CORO1C: variants seen among roughly 807,000 people sequenced by gnomAD.
CORO1C encodes coronin-1C.
Under a neutral mutation model 51.2 loss-of-function variants are expected in CORO1C, and 14 were observed. The observed-to-expected ratio is 0.27, with a 90% CI of 0.18 to 0.43. CORO1C has a LOEUF of 0.43. Among genes scored for constraint, CORO1C ranks in the 20% least tolerant of loss-of-function variants. The pLI, the probability that CORO1C is intolerant of heterozygous loss-of-function variation, is 1.00. For missense variants in CORO1C, 417 were observed against 607.8 expected, an observed-to-expected ratio of 0.69 and a Z score of 3.30; for synonymous variants, 181 against 210.5, an observed-to-expected ratio of 0.86 and a Z score of 1.21.
intron 7 of CORO1C, among the ~76,000 whole-genome samples, chr12:108,652,645 CCTCCTGG>C: frequency 6.6e-6 from 1 of 152,340 alleles, no homozygotes; most frequent in South Asian, 2.1e-4. Context: ...GTCTCCTCAG[CCTCCTGG>C]CTCCTGGCTC....
intron 2 of CORO1C, among the ~76,000 whole-genome samples, chr12:108,687,357 C>T (rs1036754734): frequency 2.0e-5 from 3 of 152,076 alleles, no homozygotes; most frequent in Admixed American, 6.6e-5. Flanking sequence ...TGTAGTGGTG[C>T]GCACCTGTAG....
intron 3 of CORO1C, among the ~76,000 whole-genome samples, chr12:108,675,883 A>C (rs2033889626): frequency 1.3e-5 from 2 of 152,238 alleles, no homozygotes; most frequent in African/African-American, 4.8e-5. Context: ...TTCAGGTTCC[A>C]GCTGCCAATT....
intron 2 of CORO1C, among the ~76,000 whole-genome samples, chr12:108,689,067 T>C (rs2034407032): frequency 6.9e-6 from 1 of 144,464 alleles, no homozygotes; most frequent in South Asian, 2.2e-4. Flanking sequence ...GGGCATGGTG[T>C]TGGGCACCTG....
chr12:108,730,995 GC>G, intron 1 of CORO1C: 1 of 152,682 alleles, frequency 6.5e-6, no homozygotes, highest in Non-Finnish European at 1.5e-5. Flanking sequence ...CAGGCCTGGA[GC>G]CCCCGGGCTC....
At chr12:108,648,037 G>A (rs1169860862) in intron 10 of CORO1C, among the ~76,000 whole-genome samples, 1 of 152,160 alleles carries the variant, frequency 6.6e-6, no homozygotes, top group Non-Finnish European at 1.5e-5. Context: ...GGCAACAGCA[G>A]CACTCTCCAG....
At chr12:108,685,500 C>A (rs894337815) in intron 2 of CORO1C, among the ~76,000 whole-genome samples, 1 of 151,780 alleles carries the variant, frequency 6.6e-6, no homozygotes, top group Non-Finnish European at 1.5e-5. Context: ...ACCCTATTTT[C>A]CAAATAAAGA....
At chr12:108,657,585 AAG>A (rs1252478354) in intron 5 of CORO1C, among the ~76,000 whole-genome samples, 162 bp from the exon 6 acceptor site, 1 of 152,338 alleles carries the variant, frequency 6.6e-6, no homozygotes, top group Non-Finnish European at 1.5e-5. Context: ...TGAGGAAACA[AAG>A]AGATACTATG....
intron 3 of CORO1C, among the ~76,000 whole-genome samples, chr12:108,675,993 C>G (rs534128203): frequency 6.6e-6 from 1 of 152,262 alleles, no homozygotes; most frequent in African/African-American, 2.4e-5. Flanking sequence ...AAGGTCAGGG[C>G]TTCCGAATAG....
Position 108,652,315 on chromosome 12 carries a change from T to C in CORO1C, c.958A>G (p.Met320Val). The C allele has an allele frequency of 6.2e-7, 1 of 1,614,178 alleles. No homozygotes were observed. Among genetic ancestry groups the C allele is most frequent in the Non-Finnish European group, 8.5e-7 (1 of 1,179,990 alleles). The change falls in exon 8 of 11, where the codon ATG becomes GTG. Residue 320 changes from methionine (M) to valine (V), a missense_variant. Coordinates refer to ENST00000261401, the MANE Select transcript of CORO1C (RefSeq NM_014325.4). The stretch of plus-strand genomic sequence containing the variant: ...TTAACATCAAGTCCCCTCTTGGGCA[T>C]GTAACCCATCCCTCTCTGAGGCTCC... Reference protein sequence around the residue: ...SKEPQRGMGYMPKRGLDVNKC... With the variant: ...SKEPQRGMGYVPKRGLDVNKC...
At chr12:108,720,430 A>G (rs2035448265) in intron 1 of CORO1C, among the ~76,000 whole-genome samples, 1 of 152,230 alleles carries the variant, frequency 6.6e-6, no homozygotes, top group African/African-American at 2.4e-5. Flanking sequence ...ATGTGTATGT[A>G]TATCTGTGTG....
chr12:108,689,266 T>C (rs1026498665), intron 2 of CORO1C, among the ~76,000 whole-genome samples: 1 of 152,198 alleles, frequency 6.6e-6, no homozygotes, highest in Non-Finnish European at 1.5e-5. Context: ...AAATGTAACA[T>C]TATGTTAAAG....
intron 3 of CORO1C, among the ~76,000 whole-genome samples, chr12:108,674,934 A>G (rs2033851702): frequency 6.6e-6 from 1 of 152,248 alleles, no homozygotes; most frequent in Non-Finnish European, 1.5e-5. Flanking sequence ...AGGGTTTGAG[A>G]GGACTGACTC....
intron 1 of CORO1C, among the ~76,000 whole-genome samples, chr12:108,713,586 C>T (rs1484578844): frequency 1.3e-5 from 2 of 152,180 alleles, no homozygotes; most frequent in Non-Finnish European, 2.9e-5. Flanking sequence ...CCTCCAGGCT[C>T]GGGCCTCACA....
rs566909454 is a variant in CORO1C at position 108,714,986 on chromosome 12, G to A, written c.-5-13663C>T. Among the ~76,000 whole-genome samples, 3 of 152,238 alleles carry A rather than the reference G, an allele frequency of 2.0e-5. No individual in the cohort carries two copies. The South Asian group carries it at 6.2e-4, about 32-fold the overall frequency. ...ATTGCAGAGCGTAATGTGACGCTAT[G>A]AAAATGACTGCCGAAAATCAAGTCT... On this transcript the variant is annotated intron_variant, in intron 1 of 10. Coordinates refer to ENST00000261401, the MANE Select transcript of CORO1C (RefSeq NM_014325.4).
chr12:108,680,256 G>A (rs547053098), intron 2 of CORO1C, among the ~76,000 whole-genome samples: 1 of 152,180 alleles, frequency 6.6e-6, no homozygotes, highest in Non-Finnish European at 1.5e-5. Flanking sequence ...ACAGTCTCTG[G>A]AGAGGTTTTC....
intron 10 of CORO1C, among the ~76,000 whole-genome samples, chr12:108,648,057 C>T (rs1488252352): frequency 6.6e-6 from 1 of 152,140 alleles, no homozygotes; most frequent in Non-Finnish European, 1.5e-5. Context: ...GTGGCCGCAG[C>T]GAGTCAAAGG....
At chr12:108,676,902 C>T (rs1041390533) in intron 3 of CORO1C, among the ~76,000 whole-genome samples, 4 of 152,074 alleles carry the variant, frequency 2.6e-5, no homozygotes, top group African/African-American at 9.7e-5. Flanking sequence ...TTCACAGCAG[C>T]GTATTTCCTT....
At position 108,658,229 on chromosome 12, in the gene CORO1C, A is replaced by G. The variant is rs2033108434; in HGVS notation, c.630+509T>C. ...ATTTATTTATTTTTGTATTTTTAGTAGAGACAGAGTTTCACCATGTTGGCC... is the reference window on the plus strand; with the variant it reads ...ATTTATTTATTTTTGTATTTTTAGTGGAGACAGAGTTTCACCATGTTGGCC... On this transcript the variant is annotated intron_variant, in intron 5 of 10. Transcript: ENST00000261401. The surrounding 1 kb of genome is among the most constrained non-coding windows in gnomAD (Gnocchi z 4.9). Among the ~76,000 whole-genome samples the G allele has an allele frequency of 6.6e-6, 1 of 152,028 alleles. No individual in the cohort carries two copies. Among genetic ancestry groups the G allele is most frequent in the Admixed American group, 6.6e-5 (1 of 15,264 alleles).
intron 1 of CORO1C, chr12:108,730,734 C>G (rs1357976272): frequency 1.3e-5 from 2 of 153,908 alleles, no homozygotes; most frequent in Admixed American, 6.5e-5. Context: ...CTCCCTTGGC[C>G]GGGCTCAGCC....
Sources: allele counts gnomAD v4.1 joint callset (sites outside exome capture counted in the v4.1 genomes callset), GRCh38; gene constraint gnomAD v4.1.1; non-coding constraint Gnocchi (gnomAD v3.1); transcripts MANE v1.5; gene names NCBI Gene and HGNC (gene_info 2026-07-23, HGNC 2026-07-21).